Variants in BRINP3 observed in about 807,000 individuals in gnomAD.
BRINP3 encodes BMP/retinoic acid-inducible neural-specific protein 3.
Under a neutral mutation model 71.0 loss-of-function variants are expected in BRINP3, and 19 were observed. That is an observed-to-expected ratio of 0.27 (90% confidence interval 0.19 to 0.39). BRINP3 has a LOEUF of 0.39. Ranked by LOEUF, BRINP3 falls within the 10% of genes least tolerant of loss-of-function variation. The pLI, the probability that BRINP3 is intolerant of heterozygous loss-of-function variation, is 1.00. For synonymous variants in BRINP3, 380 were observed against 337.7 expected (o/e 1.13, Z -1.37); for missense variants, 959 against 940.8 (o/e 1.02, Z -0.25).
Position 190,160,699 on chromosome 1 carries a change from T to C in BRINP3, c.1153A>G (p.Lys385Glu). 6.2e-7 allele frequency: 1 copy of C among 1,613,382 alleles called. No homozygotes were observed. The highest frequency in any genetic ancestry group is 8.5e-7 in the Non-Finnish European group (1 of 1,179,626). ...KLFSLSKRCH[K>E]QPLISLPRQR... Reference sequence around the variant, plus strand: ...CTTGGCAGGCTGATGAGGGGTTGTTTATGACACCTCTTGCTAAGGCTAAAA... The same window carrying C: ...CTTGGCAGGCTGATGAGGGGTTGTTCATGACACCTCTTGCTAAGGCTAAAA... The change falls in exon 7 of 8, where the codon AAA becomes GAA. Residue 385 changes from lysine to glutamate, a missense_variant. By Grantham distance (56) the Lys-to-Glu change is moderately conservative. Coordinates refer to ENST00000367462, the MANE Select transcript of BRINP3 (RefSeq NM_199051.3).
At chr1:190,284,080 A>G (rs1218816540) in intron 2 of BRINP3, among the ~76,000 whole-genome samples, 1 of 151,990 alleles carries the variant, frequency 6.6e-6, no homozygotes, top group East Asian at 1.9e-4. Flanking sequence ...ATGCTGAAAG[A>G]TTTTCGATAC....
chr1:190,388,767 G>A (rs1456652859), intron 2 of BRINP3, among the ~76,000 whole-genome samples: 1 of 151,862 alleles, frequency 6.6e-6, no homozygotes, highest in Admixed American at 6.6e-5. Context: ...TCATGACTGA[G>A]TGGTTAATTG....
chr1:190,224,689 A>C (rs1657181197), intron 6 of BRINP3, among the ~76,000 whole-genome samples: 1 of 151,984 alleles, frequency 6.6e-6, no homozygotes, highest in Admixed American at 6.6e-5. Flanking sequence ...CAAAGTGAAG[A>C]GATAACCCAC....
chr1:190,270,392 TAAA>T (rs759669151), intron 3 of BRINP3, among the ~76,000 whole-genome samples: 26 of 151,498 alleles, frequency 1.7e-4, no homozygotes, highest in Non-Finnish European at 3.5e-4. Context: ...CCCTAAAAAA[TAAA>T]AACAGAATCC....
rs372306922 is a variant in BRINP3, at chr1:190,116,380, T to A, written c.1185-17246A>T. On this transcript the variant is annotated intron_variant, in intron 7 of 7. Coordinates refer to ENST00000367462, the MANE Select transcript of BRINP3 (RefSeq NM_199051.3). ...CACATACTTTAGATATGCTATGGCATGTCACACACAAGAAAATTAGCTTTC... is the reference window on the plus strand; with the variant it reads ...CACATACTTTAGATATGCTATGGCAAGTCACACACAAGAAAATTAGCTTTC... 1.3e-5 allele frequency among the ~76,000 whole-genome samples: 2 copies of A among 152,228 alleles called. 1 individual carries two copies.
intron 4 of BRINP3, 79 bp downstream of exon 4, chr1:190,264,786 C>A: frequency 2.6e-6 from 3 of 1,149,118 alleles, no homozygotes; most frequent in Non-Finnish European, 3.7e-6. Flanking sequence ...ATGGAATAAG[C>A]AAATACATAA....
intron 4 of BRINP3, among the ~76,000 whole-genome samples, chr1:190,244,192 G>C (rs1287006991): frequency 6.6e-6 from 1 of 151,964 alleles, no homozygotes; most frequent in East Asian, 1.9e-4. Context: ...CCAGTTCCTG[G>C]TGCCAAAATG....
At chr1:190,369,328 G>A (rs1669709683) in intron 2 of BRINP3, among the ~76,000 whole-genome samples, 1 of 151,900 alleles carries the variant, frequency 6.6e-6, no homozygotes, top group Non-Finnish European at 1.5e-5. Flanking sequence ...TCAACTATGA[G>A]ATAATAGTTG....
At chr1:190,305,611 C>G (rs1665041019) in intron 2 of BRINP3, among the ~76,000 whole-genome samples, 3 of 151,512 alleles carry the variant, frequency 2.0e-5, no homozygotes, top group Admixed American at 6.6e-5. Context: ...TGGGGGTAAA[C>G]TGGTCAATTG....
intron 2 of BRINP3, among the ~76,000 whole-genome samples, chr1:190,353,444 A>G (rs905424370): frequency 2.6e-5 from 4 of 152,184 alleles, no homozygotes; most frequent in African/African-American, 9.6e-5. Flanking sequence ...ATTAAATGAT[A>G]CAATTTGGTT....
intron 2 of BRINP3, among the ~76,000 whole-genome samples, chr1:190,409,207 T>C (rs1672496265): frequency 6.6e-6 from 1 of 151,992 alleles, no homozygotes; most frequent in Admixed American, 6.6e-5. Flanking sequence ...TTCGAGACTA[T>C]CCTGGGCAAC....
At chr1:190,255,131 T>C (rs1398218928) in intron 4 of BRINP3, among the ~76,000 whole-genome samples, 1 of 152,106 alleles carries the variant, frequency 6.6e-6, no homozygotes, top group African/African-American at 2.4e-5. Context: ...GCTGACTTGA[T>C]TATAGTGGAT....
At chr1:190,337,730 C>A (rs1001632763) in intron 2 of BRINP3, among the ~76,000 whole-genome samples, 3 of 152,040 alleles carry the variant, frequency 2.0e-5, no homozygotes, top group African/African-American at 7.2e-5. Flanking sequence ...GGGATTTCAC[C>A]TTGTGATCAC....
At chr1:190,262,918 T>C (rs754136352) in intron 4 of BRINP3, among the ~76,000 whole-genome samples, 8 of 152,252 alleles carry the variant, frequency 5.3e-5, no homozygotes, top group Non-Finnish European at 8.8e-5. Flanking sequence ...TGTGTATATA[T>C]ATATATTTCT....
intron 2 of BRINP3, among the ~76,000 whole-genome samples, chr1:190,356,750 C>T (rs1217569386): frequency 6.6e-6 from 1 of 151,904 alleles, no homozygotes; most frequent in Non-Finnish European, 1.5e-5. Flanking sequence ...TAACATATTC[C>T]CAAATTTAGA....
At chr1:190,270,564 T>C (rs1012472013) in intron 3 of BRINP3, among the ~76,000 whole-genome samples, 2 of 151,758 alleles carry the variant, frequency 1.3e-5, no homozygotes, top group Admixed American at 6.6e-5. Flanking sequence ...CTCATAGTAG[T>C]ACGGTTTTAT....
intron 2 of BRINP3, among the ~76,000 whole-genome samples, chr1:190,414,970 TA>T (rs1375444948): frequency 6.6e-6 from 1 of 152,244 alleles, no homozygotes; most frequent in Non-Finnish European, 1.5e-5. Context: ...TTCTATTCTT[TA>T]CCCACTATAG....
chr1:190,165,778 C>T lies in BRINP3; in HGVS notation c.962-4888G>A, dbSNP rs558944681. Among the ~76,000 whole-genome samples, 4 of 151,544 alleles carry T rather than the reference C, an allele frequency of 2.6e-5. No homozygotes were observed. In the East Asian group the frequency reaches 7.8e-4, roughly 29 times the overall value. The stretch of plus-strand genomic sequence containing the variant: ...TTAAGTCAGTAAGATACAAAATTGG[C>T]AAGATATGAAAGAAGTGGGAATGTG... On this transcript the variant is annotated intron_variant, in intron 6 of 7. Coordinates refer to ENST00000367462, the MANE Select transcript of BRINP3 (RefSeq NM_199051.3).
At chr1:190,457,464 A>G (rs12728723) in intron 1 of BRINP3, among the ~76,000 whole-genome samples, 1 of 151,558 alleles carries the variant, frequency 6.6e-6, no homozygotes, top group African/African-American at 2.4e-5. Context: ...AAAAACAAAA[A>G]CAAAACAAAA....
Sources: gnomAD v4.1 joint callset for allele counts (sites outside exome capture counted in the v4.1 genomes callset) on GRCh38, gnomAD v4.1.1 for gene constraint, MANE v1.5 for transcripts, NCBI Gene and HGNC (gene_info 2026-07-23, HGNC 2026-07-21) for gene names.